Variants in YIPF6 observed in about 807,000 individuals in gnomAD.
YIPF6 encodes the protein protein YIPF6.
In YIPF6, 3 loss-of-function variants were observed where a neutral mutation model predicts 16.8. The ratio of observed to expected loss-of-function variants is 0.18; its 90% CI spans 0.08 to 0.46. The LOEUF is 0.46. YIPF6 is among the 20% of genes least tolerant of loss of function. YIPF6 has a pLI of 0.98. For missense variants in YIPF6, 145 were observed against 184.9 expected (o/e 0.78, Z 1.25); for synonymous variants, 67 against 61.9 (o/e 1.08, Z -0.38).
intron 6 of YIPF6, among the ~76,000 whole-genome samples, chrX:68,526,267 C>A (rs945710646): frequency 9.0e-6 from 1 of 111,304 alleles, no homozygotes; most frequent in Non-Finnish European, 1.9e-5. Flanking sequence ...GGAGTTCACT[C>A]ATGATTTGGC....
chrX:68,504,423 T>C (rs2079052444), intron 1 of YIPF6, among the ~76,000 whole-genome samples: 1 of 111,513 alleles, frequency 9.0e-6, no homozygotes, highest in Non-Finnish European at 1.9e-5. Context: ...ATATGTGCGG[T>C]GTTTCTGACG....
chrX:68,524,834 A>G (rs1216143014), intron 6 of YIPF6, among the ~76,000 whole-genome samples: 4 of 111,257 alleles, frequency 3.6e-5, no homozygotes, highest in Non-Finnish European at 7.5e-5. Context: ...CATACAAAGG[A>G]TATGAACTCA....
chrX:68,517,505 C>G (rs1215527528), intron 3 of YIPF6, among the ~76,000 whole-genome samples: 1 of 112,187 alleles, frequency 8.9e-6, no homozygotes, highest in Non-Finnish European at 1.9e-5. Flanking sequence ...GCCTGCAGAG[C>G]CTTTTGCAGT....
chrX:68,529,776 C>T (rs2079163898), intron 6 of YIPF6, among the ~76,000 whole-genome samples: 1 of 111,829 alleles, frequency 8.9e-6, no homozygotes, highest in South Asian at 3.8e-4. Flanking sequence ...CCACTCCAGA[C>T]CCTGTTTGCC....
intron 1 of YIPF6, among the ~76,000 whole-genome samples, chrX:68,503,654 A>G (rs1357851031): frequency 1.8e-5 from 2 of 111,554 alleles, no homozygotes; most frequent in Non-Finnish European, 3.8e-5. Flanking sequence ...AGTTAGGCCA[A>G]ACTGCACAGG....
At chrX:68,502,169 A>G (rs2079043212) in intron 1 of YIPF6, among the ~76,000 whole-genome samples, 1 of 111,590 alleles carries the variant, frequency 9.0e-6, no homozygotes, top group African/African-American at 3.3e-5. Context: ...AACATAATAG[A>G]GGGTAAGTTA....
Position 68,534,658 on chromosome X carries a change from A to C in YIPF6, c.*2659A>C, listed in dbSNP as rs1407825741. On this transcript the variant is annotated 3_prime_UTR_variant, in exon 7 of 7. Transcript: ENST00000462683. ...AGTGAGTGGCTTGAAGGGATGAATA[A>C]ATATTTTCTTAATATATTCAAAAAA... 8.9e-6 allele frequency: 1 copy of C among 111,811 alleles called. No homozygotes were observed. The highest frequency in any genetic ancestry group is 9.6e-5 in the Admixed American group (1 of 10,442). The allele number at this position is 111,811 out of a possible 1,213,427, so 9.2% of individuals were successfully genotyped here. A position where few individuals can be genotyped will look rare whatever the true frequency, so the allele number is the denominator to read the frequency against.
rs1348007354 is a variant in YIPF6, at chrX:68,535,087, A to C, written c.*3088A>C. 3 of 112,672 alleles carry C rather than the reference A, an allele frequency of 2.7e-5. No homozygotes were observed. The highest frequency in any genetic ancestry group is 3.2e-5 in the African/African-American group (1 of 31,040). The allele number at this position is 112,672 out of a possible 1,213,427, so 9.3% of individuals were successfully genotyped here. A position where few individuals can be genotyped will look rare whatever the true frequency, so the allele number is the denominator to read the frequency against. ...CTTAAAAGTCAACCGTTAATCATTA[A>C]GTCTTTTGCCTCTAAAGTCTTTTGC... is the stretch of plus-strand genomic sequence containing the variant. On this transcript the variant is annotated 3_prime_UTR_variant, in exon 7 of 7. Transcript: ENST00000462683.
intron 1 of YIPF6, among the ~76,000 whole-genome samples, chrX:68,508,918 T>G (rs1008132425): frequency 9.0e-6 from 1 of 111,303 alleles, no homozygotes; most frequent in Non-Finnish European, 1.9e-5. Flanking sequence ...CTGCTAGAAG[T>G]GGCACATCTC....
chrX:68,532,041 T>G lies in YIPF6; in HGVS notation c.*42T>G, dbSNP rs777149166. The G allele has an allele frequency of 2.0e-6, 2 of 1,006,750 alleles. No homozygotes were observed. Among genetic ancestry groups the G allele is most frequent in the Admixed American group, 4.7e-5 (2 of 42,953 alleles). The allele number at this position is 1,006,750 out of a possible 1,213,427, so 83.0% of individuals were successfully genotyped here. A position where few individuals can be genotyped will look rare whatever the true frequency, so the allele number is the denominator to read the frequency against. On this transcript the variant is annotated 3_prime_UTR_variant, in exon 7 of 7. Transcript: ENST00000462683. ...TAAAAACCAGTGAATTGAAAGCACA[T>G]CTGAAAGATGCAATTCACCATGGAG...
intron 4 of YIPF6, among the ~76,000 whole-genome samples, chrX:68,519,622 C>G (rs1195035308): frequency 9.1e-6 from 1 of 109,676 alleles, no homozygotes; most frequent in Non-Finnish European, 1.9e-5. Context: ...TTTTGTACCT[C>G]TAGGGTTCAT....
At chrX:68,512,030 C>A in intron 2 of YIPF6, 53 bp downstream of exon 2, 1 of 1,071,524 alleles carries the variant, frequency 9.3e-7, no homozygotes, top group Non-Finnish European at 1.2e-6. Context: ...GACTAAGTAA[C>A]TAATAGTACT....
At chrX:68,500,956 T>C (rs750008276) in intron 1 of YIPF6, among the ~76,000 whole-genome samples, 1 of 112,175 alleles carries the variant, frequency 8.9e-6, no homozygotes, top group East Asian at 2.8e-4. Context: ...TGTGACATTG[T>C]CATAGGTGCT....
chrX:68,526,339 G>C (rs1315157134), intron 6 of YIPF6, among the ~76,000 whole-genome samples: 1 of 106,385 alleles, frequency 9.4e-6, no homozygotes, highest in Non-Finnish European at 1.9e-5. Flanking sequence ...TTTGTATCCT[G>C]AGACTTTGCT....
At position 68,536,564 on chromosome X, in the gene YIPF6, C is replaced by T. The variant is rs775095567; in HGVS notation, c.*4565C>T. On this transcript the variant is annotated 3_prime_UTR_variant, in exon 7 of 7. Transcript: ENST00000462683. ...CCCTAGGTACAAATATAGGTATTTT[C>T]CCTATTGTGTTATGTACCTGAAATG... The T allele has an allele frequency of 9.2e-6, 1 of 109,017 alleles. No homozygotes were observed. Among genetic ancestry groups the T allele is most frequent in the South Asian group, 4.1e-4 (1 of 2,464 alleles). 9.0% of individuals were successfully genotyped at this position (109,017 alleles called of 1,213,427 possible).
Position 68,522,935 on chromosome X carries a change from T to G in YIPF6, c.592+18T>G. On this transcript the variant is annotated intron_variant, in intron 6 of 6. Coordinates refer to ENST00000462683, the MANE Select transcript of YIPF6 (RefSeq NM_173834.4). ...TATAGTTGGTAAGTATGTACTTATT[T>G]CCACAATAACAGAACAGACAAAAAC... 8.3e-7 allele frequency: 1 copy of G among 1,208,086 alleles called. No individual in the cohort carries two copies. The highest frequency in any genetic ancestry group is 1.1e-6 in the Non-Finnish European group (1 of 894,048).
intron 4 of YIPF6, 57 bp from the exon 5 acceptor site, chrX:68,521,315 A>C: frequency 8.5e-7 from 1 of 1,177,559 alleles, no homozygotes; most frequent in Non-Finnish European, 1.1e-6. Context: ...CCCATGCCTT[A>C]ACTTTGTTGC....
chrX:68,517,237 A>G (rs1196066064), intron 3 of YIPF6, among the ~76,000 whole-genome samples: 1 of 110,904 alleles, frequency 9.0e-6, no homozygotes, highest in Non-Finnish European at 1.9e-5. Context: ...AACCTCTGCC[A>G]CCCGGGTTCA....
chrX:68,500,741 A>C (rs1337330918), intron 1 of YIPF6, among the ~76,000 whole-genome samples: 1 of 111,648 alleles, frequency 9.0e-6, no homozygotes, highest in Non-Finnish European at 1.9e-5. Flanking sequence ...CACTCAACAA[A>C]TATTTATTGA....
Sources: allele counts gnomAD v4.1 joint callset (sites outside exome capture counted in the v4.1 genomes callset), GRCh38; gene constraint gnomAD v4.1.1; transcripts MANE v1.5; gene names NCBI Gene and HGNC (gene_info 2026-07-23, HGNC 2026-07-21).